Variants in CAMK2D observed in about 807,000 individuals in gnomAD.
The protein encoded by CAMK2D is calcium/calmodulin dependent protein kinase II delta, also known as calcium/calmodulin-dependent protein kinase type II subunit delta.
CAMK2D carries 37 observed loss-of-function variants against 84.0 expected under a neutral mutation model. The observed-to-expected ratio is 0.44, with a 90% CI of 0.34 to 0.58. The LOEUF (loss-of-function observed/expected upper bound fraction) is 0.58, where lower values mean the gene tolerates loss of function less well. Ranked by LOEUF, CAMK2D falls within the 20% of genes least tolerant of loss-of-function variation. CAMK2D has a pLI of 0.02. For missense variants in CAMK2D, 448 were observed against 652.5 expected (o/e 0.69, Z 3.41); for synonymous variants, 202 against 212.5 (o/e 0.95, Z 0.43).
chr4:113,465,410 T>C (rs890889937), intron 17 of CAMK2D, 119 bp downstream of exon 17: 5 of 661,026 alleles, frequency 7.6e-6, no homozygotes, highest in Non-Finnish European at 1.1e-5. Flanking sequence ...AATAAAACTA[T>C]TGTTAACATA....
At chr4:113,582,779 T>G (rs965093500) in intron 4 of CAMK2D, among the ~76,000 whole-genome samples, 1 of 152,218 alleles carries the variant, frequency 6.6e-6, no homozygotes, top group Admixed American at 6.5e-5. Context: ...CTCTGTACAG[T>G]ATATACAGTA....
chr4:113,692,934 G>A (rs528410732), intron 2 of CAMK2D, among the ~76,000 whole-genome samples: 1 of 152,152 alleles, frequency 6.6e-6, no homozygotes, highest in South Asian at 2.1e-4. Context: ...TTGCAGAACT[G>A]CTTATAATGG....
At chr4:113,487,193 A>T (rs1178998441) in intron 16 of CAMK2D, among the ~76,000 whole-genome samples, 1 of 152,086 alleles carries the variant, frequency 6.6e-6, no homozygotes, top group Non-Finnish European at 1.5e-5. Context: ...ATCACCTGTA[A>T]CCTGGTGGGA....
At chr4:113,693,186 T>A (rs925012069) in intron 2 of CAMK2D, among the ~76,000 whole-genome samples, 1 of 151,990 alleles carries the variant, frequency 6.6e-6, no homozygotes, top group Non-Finnish European at 1.5e-5. Context: ...CCTAAAATAA[T>A]CTCCTCAAGC....
Position 113,544,772 on chromosome 4 carries a change from T to C in CAMK2D, c.414+2872A>G, listed in dbSNP as rs561185853. On this transcript the variant is annotated intron_variant, in intron 6 of 20. Transcript: ENST00000511664. The stretch of plus-strand genomic sequence containing the variant: ...ACCACTAGATCCTCCTAATATTATC[T>C]AGATCTACATTAATTGGCCTGCCAC... Among the ~76,000 whole-genome samples, 10 of 152,228 alleles carry C rather than the reference T, an allele frequency of 6.6e-5. No homozygotes were observed. In the South Asian group the frequency reaches 1.5e-3, roughly 22 times the overall value.
chr4:113,500,127 A>T (rs977433729), intron 16 of CAMK2D, among the ~76,000 whole-genome samples: 1 of 152,172 alleles, frequency 6.6e-6, no homozygotes, highest in Admixed American at 6.5e-5. Context: ...CCCAATGTGT[A>T]TACATTTTAT....
At chr4:113,738,566 CTCTGGCAAAACATAAT>C (rs1459403270) in intron 2 of CAMK2D, among the ~76,000 whole-genome samples, 3 of 152,002 alleles carry the variant, frequency 2.0e-5, no homozygotes, top group Non-Finnish European at 4.4e-5. Context: ...CTTTAGTGGA[CTCTGGCAAAACATAAT>C]TCTGGCAAAA....
chr4:113,657,100 C>G (rs2099204608), intron 3 of CAMK2D, among the ~76,000 whole-genome samples: 1 of 152,150 alleles, frequency 6.6e-6, no homozygotes, highest in African/African-American at 2.4e-5. Context: ...CCCCCTCACT[C>G]TGCTCCTTGA....
chr4:113,459,709 T>C (rs2097349707), intron 18 of CAMK2D, among the ~76,000 whole-genome samples: 2 of 149,930 alleles, frequency 1.3e-5, no homozygotes, highest in Admixed American at 1.3e-4. Context: ...TCACTGCAAC[T>C]TCCACCTCAC....
intron 7 of CAMK2D, among the ~76,000 whole-genome samples, 189 bp downstream of exon 7, chr4:113,537,152 T>C (rs1352213960): frequency 1.3e-5 from 2 of 152,226 alleles, no homozygotes; most frequent in African/African-American, 2.4e-5. Context: ...TTCCCTTGAA[T>C]TATTTCTAGA....
At position 113,550,412 on chromosome 4, in the gene CAMK2D, A is replaced by G. The variant is rs1418507563; in HGVS notation, c.341+1619T>C. Among the ~76,000 whole-genome samples, 3 of 152,298 alleles carry G rather than the reference A, an allele frequency of 2.0e-5. No homozygotes were observed. The East Asian group carries it at 5.8e-4, about 29-fold the overall frequency. ...GGTCTCGAACTCCTGGGCTCAAGCA[A>G]TCCTCCCACCTTGGCCTCCCAAAGT... On this transcript the variant is annotated intron_variant, in intron 5 of 20. Coordinates refer to ENST00000511664, the MANE Select transcript of CAMK2D (RefSeq NM_001321571.2).
chr4:113,662,425 T>C (rs184040512), intron 2 of CAMK2D, among the ~76,000 whole-genome samples: 7 of 152,300 alleles, frequency 4.6e-5, no homozygotes, highest in African/African-American at 1.7e-4. Context: ...CTTTGATTTT[T>C]TGGTGGAGGT....
intron 17 of CAMK2D, among the ~76,000 whole-genome samples, chr4:113,461,560 A>G (rs1020068598): frequency 6.6e-6 from 1 of 152,214 alleles, no homozygotes; most frequent in East Asian, 1.9e-4. Flanking sequence ...TTATGTGTGT[A>G]AGGCCCCTGG....
At chr4:113,703,808 A>G (rs909983239) in intron 2 of CAMK2D, among the ~76,000 whole-genome samples, 2 of 152,214 alleles carry the variant, frequency 1.3e-5, no homozygotes, top group Non-Finnish European at 2.9e-5. Flanking sequence ...AGAAGTGCAC[A>G]ATCTTTCATG....
chr4:113,657,898 A>G, intron 3 of CAMK2D, among the ~76,000 whole-genome samples: 1 of 152,224 alleles, frequency 6.6e-6, no homozygotes, highest in East Asian at 1.9e-4. Context: ...AACCAAGGAA[A>G]TAATAAAATA....
rs920866987 is a variant in CAMK2D at position 113,761,489 on chromosome 4, G to C, written c.-421C>G. The C allele has an allele frequency of 9.4e-7, 1 of 1,059,924 alleles. No individual in the cohort carries two copies. 65.7% of individuals were successfully genotyped at this position (1,059,924 alleles called of 1,614,324 possible). A position where few individuals can be genotyped will look rare whatever the true frequency, so the allele number is the denominator to read the frequency against. The stretch of plus-strand genomic sequence containing the variant: ...GAGCAGGAGGAGTAGAAGCAGAGGG[G>C]AGGGAGTCCGAGGGGGCGGAGGTGG... On this transcript the variant is annotated 5_prime_UTR_variant, in exon 1 of 21. Coordinates refer to ENST00000511664, the MANE Select transcript of CAMK2D (RefSeq NM_001321571.2).
chr4:113,527,864 A>G (rs769454008), intron 8 of CAMK2D, among the ~76,000 whole-genome samples: 11 of 152,114 alleles, frequency 7.2e-5, no homozygotes, highest in Non-Finnish European at 1.2e-4. Flanking sequence ...TAACTCACCT[A>G]TCTATCACCT....
intron 2 of CAMK2D, among the ~76,000 whole-genome samples, chr4:113,736,804 A>G (rs1402015525): frequency 6.6e-6 from 1 of 152,192 alleles, no homozygotes; most frequent in Non-Finnish European, 1.5e-5. Flanking sequence ...AAAGTTTAAA[A>G]AGGCAAAAAT....
chr4:113,601,113 A>G (rs1189002121), intron 4 of CAMK2D, among the ~76,000 whole-genome samples: 1 of 152,222 alleles, frequency 6.6e-6, no homozygotes, highest in Non-Finnish European at 1.5e-5. Flanking sequence ...GGTTGTAACT[A>G]AAGAGTCTTT....
Sources: gnomAD v4.1 joint callset for allele counts (sites outside exome capture counted in the v4.1 genomes callset) on GRCh38, gnomAD v4.1.1 for gene constraint, MANE v1.5 for transcripts, NCBI Gene and HGNC (gene_info 2026-07-23, HGNC 2026-07-21) for gene names.